MIGA1: variants seen among roughly 807,000 people sequenced by gnomAD.
MIGA1 encodes the protein family with sequence similarity 73, member A.
MIGA1 carries 58 observed loss-of-function variants against 82.0 expected under a neutral mutation model. The observed-to-expected ratio is 0.71, with a 90% CI of 0.57 to 0.88. The LOEUF is 0.88. Ranked by LOEUF, MIGA1 falls within the 40% of genes least tolerant of loss-of-function variation. The pLI is 0.00. For synonymous variants in MIGA1, 249 were observed against 253.6 expected (o/e 0.98, Z 0.17); for missense variants, 751 against 749.1 (o/e 1.00, Z -0.03).
chr1:77,874,234 A>G (rs1280977273), intron 15 of MIGA1, among the ~76,000 whole-genome samples: 2 of 152,160 alleles, frequency 1.3e-5, no homozygotes, highest in Non-Finnish European at 2.9e-5. Flanking sequence ...GTTTGCTTAC[A>G]GTGAGTTTCA....
At chr1:77,854,259 A>C (rs1333367316) in intron 8 of MIGA1, among the ~76,000 whole-genome samples, 1 of 152,228 alleles carries the variant, frequency 6.6e-6, no homozygotes, top group African/African-American at 2.4e-5. Context: ...TCATCTATAC[A>C]TACCACAGTT....
intron 8 of MIGA1, among the ~76,000 whole-genome samples, chr1:77,849,820 G>C (rs1017390519): frequency 2.6e-5 from 4 of 151,928 alleles, no homozygotes; most frequent in Admixed American, 2.0e-4. Flanking sequence ...GTGATCACCT[G>C]AGGTCAGGAG....
intron 7 of MIGA1, among the ~76,000 whole-genome samples, chr1:77,830,029 C>T (rs889324128): frequency 2.6e-5 from 4 of 152,022 alleles, no homozygotes; most frequent in Admixed American, 2.6e-4. Context: ...AATCTTGACA[C>T]TTGGCAGGGT....
intron 14 of MIGA1, among the ~76,000 whole-genome samples, chr1:77,869,876 A>G (rs1277750587): frequency 1.2e-5 from 1 of 81,126 alleles, no homozygotes; most frequent in African/African-American, 5.1e-5. Context: ...TGATCCCCCC[A>G]CCTCCCTCCC....
At chr1:77,840,590 G>A (rs555823604) in intron 7 of MIGA1, among the ~76,000 whole-genome samples, 13 of 152,188 alleles carry the variant, frequency 8.5e-5, no homozygotes, top group Admixed American at 4.6e-4. Flanking sequence ...AGGCGGGCGG[G>A]TCACCTGAGT....
At chr1:77,785,043 C>T (rs550379345) in intron 2 of MIGA1, among the ~76,000 whole-genome samples, 5 of 152,254 alleles carry the variant, frequency 3.3e-5, no homozygotes, top group East Asian at 1.9e-4. Flanking sequence ...TCATTCTGCT[C>T]CTGGCCCCTC....
chr1:77,795,702 T>C (rs1682625900), intron 2 of MIGA1, among the ~76,000 whole-genome samples: 1 of 151,102 alleles, frequency 6.6e-6, no homozygotes, highest in Admixed American at 6.6e-5. Flanking sequence ...TGATCTCGGC[T>C]CACTGCAACC....
In MIGA1 at chr1:77,860,085, G is replaced by T. The variant is rs751797091; in HGVS notation, c.1234G>T (p.Gly412Ter). The change falls in exon 11 of 16, where the codon GGA (glycine) becomes TGA (stop). Residue 412 changes from glycine to a stop codon, truncating the protein, a stop_gained. Transcript: ENST00000370791. LOFTEE classifies it high-confidence loss of function. ...TAACAGGATATTCCTCGCTGAGAGCGGAAGGAAAATTTTATCAGCTTTAAT... is the reference window on the plus strand; with the variant it reads ...TAACAGGATATTCCTCGCTGAGAGCTGAAGGAAAATTTTATCAGCTTTAAT... 1.2e-6 allele frequency: 2 copies of T among 1,612,064 alleles called. No homozygotes were observed. Among genetic ancestry groups the T allele is most frequent in the East Asian group, 2.2e-5 (1 of 44,798 alleles).
intron 7 of MIGA1, among the ~76,000 whole-genome samples, chr1:77,840,856 A>G (rs60658102): frequency 0.018 from 2,712 of 152,246 alleles, 92 homozygotes; most frequent in African/African-American, 0.062. Flanking sequence ...TCCCACTCTG[A>G]TAATGCCATG....
chr1:77,830,752 G>T (rs564277412), intron 7 of MIGA1, among the ~76,000 whole-genome samples: 1 of 152,164 alleles, frequency 6.6e-6, no homozygotes, highest in Admixed American at 6.5e-5. Context: ...AGGTAAAGGA[G>T]CATTAATGGC....
At chr1:77,809,592 T>A (rs1000813456) in intron 5 of MIGA1, among the ~76,000 whole-genome samples, 2 of 151,342 alleles carry the variant, frequency 1.3e-5, no homozygotes, top group African/African-American at 4.9e-5. Flanking sequence ...CAAAAAAAAC[T>A]AAAAAAAATA....
intron 8 of MIGA1, among the ~76,000 whole-genome samples, chr1:77,844,083 A>G (rs1295745364): frequency 7.3e-6 from 1 of 136,828 alleles, no homozygotes; most frequent in Non-Finnish European, 1.6e-5. Context: ...CCTGGGTGAC[A>G]GAACAAGACC....
chr1:77,869,362 A>G (rs528311512), intron 14 of MIGA1, among the ~76,000 whole-genome samples: 112 of 148,664 alleles, frequency 7.5e-4, no homozygotes, highest in African/African-American at 2.4e-3. Context: ...AGACCCGGCA[A>G]CCATCCGATT....
chr1:77,787,078 A>G (rs2101692176), intron 2 of MIGA1, among the ~76,000 whole-genome samples: 1 of 152,320 alleles, frequency 6.6e-6, no homozygotes, highest in Middle Eastern at 3.4e-3. Flanking sequence ...GCCGCAAGAG[A>G]GAGTGAGAGC....
At chr1:77,781,853 A>T (rs566686413) in intron 1 of MIGA1, among the ~76,000 whole-genome samples, 1 of 152,350 alleles carries the variant, frequency 6.6e-6, no homozygotes, top group South Asian at 2.1e-4. Context: ...AAAGGAAACC[A>T]CTACTTAATC....
chr1:77,843,547 T>C (rs1684705957), intron 8 of MIGA1, 140 bp downstream of exon 8: 1 of 615,670 alleles, frequency 1.6e-6, no homozygotes, highest in African/African-American at 1.8e-5. Context: ...CAAAAATGAA[T>C]AAATCTAACA....
At chr1:77,806,902 T>C in intron 4 of MIGA1, 73 bp from the exon 5 acceptor site, 2 of 1,127,178 alleles carry the variant, frequency 1.8e-6, no homozygotes, top group Non-Finnish European at 2.5e-6. Context: ...TAAAAATAAT[T>C]TGTAAATATG....
At chr1:77,801,860 T>C (rs543752974) in intron 3 of MIGA1, among the ~76,000 whole-genome samples, 2 of 152,334 alleles carry the variant, frequency 1.3e-5, no homozygotes, top group East Asian at 3.9e-4. Context: ...TTTTAAGATA[T>C]TTGACAGTGT....
chr1:77,830,688 GC>G (rs1684211177), intron 7 of MIGA1, among the ~76,000 whole-genome samples: 1 of 152,066 alleles, frequency 6.6e-6, no homozygotes, highest in Non-Finnish European at 1.5e-5. Context: ...AAGTCAGCTG[GC>G]CCACTATACA....
Sources: gnomAD v4.1 joint callset for allele counts (sites outside exome capture counted in the v4.1 genomes callset) on GRCh38, gnomAD v4.1.1 for gene constraint, MANE v1.5 for transcripts, NCBI Gene and HGNC (gene_info 2026-07-23, HGNC 2026-07-21) for gene names.